ERBB4: variants seen among roughly 807,000 people sequenced by gnomAD.
The protein encoded by ERBB4 is erb-b2 receptor tyrosine kinase 4.
A neutral mutation model predicts 158.0 loss-of-function variants in ERBB4; 42 were observed. The ratio of observed to expected loss-of-function variants is 0.27; its 90% confidence interval spans 0.21 to 0.34. The LOEUF (loss-of-function observed/expected upper bound fraction) is 0.34. Ranked by LOEUF, ERBB4 falls within the 10% of genes least tolerant of loss-of-function variation. The pLI, the probability that ERBB4 is intolerant of heterozygous loss-of-function variation, is 1.00. For synonymous variants in ERBB4, 583 were observed against 558.7 expected, an observed-to-expected ratio of 1.04 and a Z score of -0.61; for missense variants, 1,333 against 1,624.1, an observed-to-expected ratio of 0.82 and a Z score of 3.08.
chr2:211,659,137 A>G lies in ERBB4; in HGVS notation c.1872-1309T>C, dbSNP rs934788704. ...ATTATATATTTAAATAACTCTAAAC[A>G]TTGGTGAACTAATATAATATACCTA... On this transcript the variant is annotated intron_variant, in intron 15 of 27. Transcript: ENST00000342788. Among the ~76,000 whole-genome samples the G allele has an allele frequency of 2.6e-5, 4 of 152,224 alleles. No homozygotes were observed. In the East Asian group the frequency reaches 7.7e-4, roughly 29 times the overall value.
chr2:212,361,015 A>C (rs2089666895), intron 1 of ERBB4, among the ~76,000 whole-genome samples: 1 of 151,684 alleles, frequency 6.6e-6, no homozygotes, highest in African/African-American at 2.4e-5. Context: ...CATGGATTCT[A>C]AACAAGTGAG....
chr2:211,712,714 A>C (rs2073746805), intron 8 of ERBB4, among the ~76,000 whole-genome samples: 1 of 152,144 alleles, frequency 6.6e-6, no homozygotes, highest in African/African-American at 2.4e-5. Flanking sequence ...TTTATGCTTA[A>C]ATTGAACATG....
intron 19 of ERBB4, among the ~76,000 whole-genome samples, chr2:211,563,345 A>G (rs2067457590): frequency 6.6e-6 from 1 of 152,190 alleles, no homozygotes; most frequent in African/African-American, 2.4e-5. Flanking sequence ...AAGCTATGTA[A>G]TATCACCTAC....
intron 2 of ERBB4, among the ~76,000 whole-genome samples, chr2:212,060,877 T>C (rs1415105056): frequency 1.3e-5 from 2 of 150,056 alleles, no homozygotes; most frequent in Non-Finnish European, 3.0e-5. Flanking sequence ...AGTTAAAGAG[T>C]GCAGCACACC....
At chr2:212,137,552 A>G (rs571814512) in intron 1 of ERBB4, among the ~76,000 whole-genome samples, 1 of 152,102 alleles carries the variant, frequency 6.6e-6, no homozygotes. Context: ...GTATATGTAC[A>G]TTTTCTTTAT....
At chr2:212,366,261 G>T (rs2089885902) in intron 1 of ERBB4, among the ~76,000 whole-genome samples, 1 of 151,878 alleles carries the variant, frequency 6.6e-6, no homozygotes, top group Non-Finnish European at 1.5e-5. Flanking sequence ...AAAAAGCTTG[G>T]CAGTTTTCAC....
At chr2:212,450,143 A>G (rs549006885) in intron 1 of ERBB4, among the ~76,000 whole-genome samples, 46 of 152,324 alleles carry the variant, frequency 3.0e-4, no homozygotes, top group African/African-American at 9.1e-4. Context: ...CAAACACAAC[A>G]GAAGAAGAAC....
intron 1 of ERBB4, among the ~76,000 whole-genome samples, chr2:212,236,195 G>A (rs529238454): frequency 1.3e-5 from 2 of 152,182 alleles, no homozygotes; most frequent in South Asian, 2.1e-4. Context: ...AATTTTATAG[G>A]AGGCCTCTTC....
Position 212,337,366 on chromosome 2 carries a change from G to T in ERBB4, c.82+201083C>A, listed in dbSNP as rs569303425. Among the ~76,000 whole-genome samples the T allele has an allele frequency of 2.0e-4, 30 of 152,174 alleles. 1 individual carries two copies. The South Asian group carries it at 6.2e-3, about 32-fold the overall frequency. Reference sequence around the variant, plus strand: ...AATTTATATATTTCAATGCAAAGATGATTAAAATCACTCGGGACTAATGAG... The same window carrying T: ...AATTTATATATTTCAATGCAAAGATTATTAAAATCACTCGGGACTAATGAG... On this transcript the variant is annotated intron_variant, in intron 1 of 27. Coordinates refer to ENST00000342788, the MANE Select transcript of ERBB4 (RefSeq NM_005235.3).
intron 1 of ERBB4, among the ~76,000 whole-genome samples, chr2:212,331,599 GATA>G (rs997334265): frequency 7.9e-5 from 12 of 151,992 alleles, no homozygotes; most frequent in African/African-American, 2.7e-4. Context: ...TGTAGCTAGA[GATA>G]ATATTACCAA....
At chr2:211,769,473 C>A (rs2075637471) in intron 4 of ERBB4, among the ~76,000 whole-genome samples, 1 of 152,122 alleles carries the variant, frequency 6.6e-6, no homozygotes, top group Admixed American at 6.5e-5. Context: ...TCAGCGTTCT[C>A]TAGAGGAACA....
intron 3 of ERBB4, among the ~76,000 whole-genome samples, chr2:211,827,349 A>G (rs2077124170): frequency 6.6e-6 from 1 of 152,154 alleles, no homozygotes; most frequent in Admixed American, 6.6e-5. Flanking sequence ...AGACACAATA[A>G]GAAGGTTTTT....
At chr2:211,987,534 G>A (rs1305663518) in intron 2 of ERBB4, among the ~76,000 whole-genome samples, 1 of 152,008 alleles carries the variant, frequency 6.6e-6, no homozygotes, top group Non-Finnish European at 1.5e-5. Flanking sequence ...GAAATTTAAT[G>A]AAGGAAGGGA....
intron 1 of ERBB4, among the ~76,000 whole-genome samples, chr2:212,431,229 C>T (rs1254977339): frequency 6.9e-6 from 1 of 144,040 alleles, no homozygotes; most frequent in East Asian, 2.1e-4. Context: ...TCTATATTCT[C>T]ATCTAAACAG....
intron 1 of ERBB4, among the ~76,000 whole-genome samples, chr2:212,251,920 C>A (rs1324952319): frequency 6.6e-6 from 1 of 151,884 alleles, no homozygotes; most frequent in African/African-American, 2.4e-5. Flanking sequence ...GACAATGGAT[C>A]ACAAGGGTAA....
At position 211,420,754 on chromosome 2, in the gene ERBB4, A is replaced by G. The variant is rs141742588; in HGVS notation, c.2965-143T>C. 3.2e-3 allele frequency: 2,311 copies of G among 728,614 alleles called. 35 individuals carry two copies. The African/African-American group carries it at 0.034, about 11-fold the overall frequency. The allele number at this position is 728,614 out of a possible 1,614,324, so 45.1% of individuals were successfully genotyped here. On this transcript the variant is annotated intron_variant, in intron 24 of 27. Transcript: ENST00000342788. The stretch of plus-strand genomic sequence containing the variant: ...TTTAAAAAAACAAGTCTTTAGCACA[A>G]CCACCGGCCATTAAGAAACCTATAA...
intron 5 of ERBB4, among the ~76,000 whole-genome samples, chr2:211,733,944 A>G (rs752634122): frequency 3.3e-4 from 48 of 147,384 alleles, no homozygotes; most frequent in Non-Finnish European, 5.7e-4. Flanking sequence ...AGCCAGGCAG[A>G]GGAAGGAGAA....
intron 20 of ERBB4, among the ~76,000 whole-genome samples, chr2:211,439,323 ATAGT>A (rs143988757): frequency 0.014 from 2,144 of 152,260 alleles, 51 homozygotes; most frequent in African/African-American, 0.049. Flanking sequence ...AAATTCACAA[ATAGT>A]TAGTTGGTTT....
intron 4 of ERBB4, among the ~76,000 whole-genome samples, chr2:211,753,854 A>ATTTTTT (rs1047804300): frequency 2.5e-5 from 3 of 121,308 alleles, no homozygotes; most frequent in Non-Finnish European, 3.3e-5. Flanking sequence ...AAAAGTCCTG[A>ATTTTTT]TTTTTTTTTT....
Sources: gnomAD v4.1 joint callset for allele counts (sites outside exome capture counted in the v4.1 genomes callset) on GRCh38, gnomAD v4.1.1 for gene constraint, MANE v1.5 for transcripts, NCBI Gene and HGNC (gene_info 2026-07-23, HGNC 2026-07-21) for gene names.